The following MYOCOS variants were observed in gnomAD, a reference collection of about 807,000 sequenced individuals.
MYOCOS encodes myocilin opposite strand protein.
At chr1:171,617,761 A>G (rs149614356), upstream of MYOCOS, among the ~76,000 whole-genome samples, 42 of 152,358 alleles carry the variant, frequency 2.8e-4, no homozygotes, top group African/African-American at 9.1e-4. Flanking sequence ...GAGAAATAAC[A>G]TGTTTGTTCA....
chr1:171,607,215 G>C (rs987030124), intron 1 of MYOCOS, among the ~76,000 whole-genome samples: 9 of 152,068 alleles, frequency 5.9e-5, no homozygotes, highest in African/African-American at 1.7e-4. Flanking sequence ...TGAAATAAAG[G>C]GTTTTTTAGA....
At chr1:171,615,825 C>T (rs1028019701) in intron 2 of MYOCOS, among the ~76,000 whole-genome samples, 6 of 152,168 alleles carry the variant, frequency 3.9e-5, no homozygotes, top group Admixed American at 3.3e-4. Flanking sequence ...AGTAGCTTGC[C>T]GATGCTCCCA....
At chr1:171,613,105 G>A (rs760726962) in intron 1 of MYOCOS, among the ~76,000 whole-genome samples, 31 of 152,100 alleles carry the variant, frequency 2.0e-4, no homozygotes, top group Non-Finnish European at 3.7e-4. Flanking sequence ...CAAAATGTGT[G>A]GATATTCCTC....
exon 1 of MYOCOS, chr1:171,601,057 A>T (rs1652132287): frequency 6.6e-6 from 1 of 152,414 alleles, no homozygotes; most frequent in South Asian, 2.1e-4. Context: ...AGCCTGAGTG[A>T]AGCCATCCGA....
intron 1 of MYOCOS, among the ~76,000 whole-genome samples, chr1:171,603,657 A>T (rs921089240): frequency 1.3e-5 from 2 of 152,248 alleles, no homozygotes; most frequent in Non-Finnish European, 2.9e-5. Flanking sequence ...GGCCCCCGCC[A>T]TGAGGCTACC....
intron 1 of MYOCOS, among the ~76,000 whole-genome samples, chr1:171,622,918 G>A (rs763221): frequency 6.6e-6 from 1 of 151,958 alleles, no homozygotes; most frequent in African/African-American, 2.4e-5. Context: ...GTGGGTTTAC[G>A]GTGGTTATCA....
chr1:171,626,411 C>G, intron 2 of MYOCOS, 43 bp from the exon 3 acceptor site: 1 of 398,222 alleles, frequency 2.5e-6, no homozygotes, highest in Non-Finnish European at 4.4e-6. Flanking sequence ...TATTTAAAAC[C>G]CTATCTTTAT....
At chr1:171,614,056 CA>C (rs1405519360) in intron 1 of MYOCOS, among the ~76,000 whole-genome samples, 3 of 152,206 alleles carry the variant, frequency 2.0e-5, no homozygotes, top group African/African-American at 4.8e-5. Context: ...TGAGATAATG[CA>C]CCTGCCAATT....
chr1:171,626,055 G>A (rs6425355), intron 2 of MYOCOS, among the ~76,000 whole-genome samples: 22,582 of 152,042 alleles, frequency 0.15, 1,926 homozygotes, highest in Middle Eastern at 0.32. Flanking sequence ...CTTTTTAGAT[G>A]CTGGCATCTG....
In MYOCOS at chr1:171,623,935, T is replaced by C. The variant is rs1652624977; in HGVS notation, c.52T>C (p.Leu18=). 1 of 398,608 alleles carries C rather than the reference T, an allele frequency of 2.5e-6. No individual in the cohort carries two copies. The highest frequency in any genetic ancestry group is 4.4e-6 in the Non-Finnish European group (1 of 226,068). 24.7% of individuals were successfully genotyped at this position (398,608 alleles called of 1,614,324 possible). A position where few individuals can be genotyped will look rare whatever the true frequency, so the allele number is the denominator to read the frequency against. Residue 18 remains leucine (L), a synonymous_variant, in exon 2 of 3, where the codon TTG becomes CTG. Coordinates refer to ENST00000637642, the MANE Select transcript of MYOCOS (RefSeq NM_001391940.1). ...NNSINLPYKD[L]TSEVTRRRVT... ...CAGCATTAATCTCCCCTACAAGGAC[T>C]TGACCTCCGAGGTAACCAGGCGCCG...
chr1:171,609,216 G>A (rs184124482), intron 1 of MYOCOS, among the ~76,000 whole-genome samples: 37 of 152,318 alleles, frequency 2.4e-4, no homozygotes, highest in Admixed American at 2.3e-3. Flanking sequence ...AGCTACACTT[G>A]TTTATTTACT....
At chr1:171,621,662 A>G (rs924787085), upstream of MYOCOS, among the ~76,000 whole-genome samples, 6 of 152,092 alleles carry the variant, frequency 3.9e-5, no homozygotes, top group African/African-American at 1.4e-4. Context: ...GGCATGAGCC[A>G]CCGCGCCTGG....
intron 1 of MYOCOS, among the ~76,000 whole-genome samples, chr1:171,606,070 C>T (rs986439261): frequency 1.3e-5 from 2 of 152,046 alleles, no homozygotes; most frequent in Non-Finnish European, 2.9e-5. Context: ...CGGATTCGAC[C>T]CTGAAGCCAT....
chr1:171,605,009 G>A (rs889172021), intron 1 of MYOCOS, among the ~76,000 whole-genome samples: 1 of 152,094 alleles, frequency 6.6e-6, no homozygotes, highest in Non-Finnish European at 1.5e-5. Flanking sequence ...GTTCAAAGAT[G>A]CTCTCCAGAA....
upstream of MYOCOS, among the ~76,000 whole-genome samples, chr1:171,619,567 G>C (rs1196901095): frequency 6.6e-6 from 1 of 152,124 alleles, no homozygotes; most frequent in Non-Finnish European, 1.5e-5. Context: ...AATAAATCAA[G>C]GCCGAGCACA....
Position 171,605,788 on chromosome 1 carries a change from A to T in MYOCOS, c.-252+4708A>T, listed in dbSNP as rs182887162. The stretch of plus-strand genomic sequence containing the variant: ...ACAAGATGGCTCATAAGGATATCGA[A>T]CCCCCATCTACATGCTCAACCGAAT... On this transcript the variant is annotated intron_variant, in intron 1 of 3. Coordinates refer to the MYOCOS transcript ENST00000636697. Among the ~76,000 whole-genome samples, 14 of 152,202 alleles carry T rather than the reference A, an allele frequency of 9.2e-5. No homozygotes were observed. The East Asian group carries it at 2.5e-3, about 27-fold the overall frequency.
At chr1:171,603,938 T>A (rs535152238) in intron 1 of MYOCOS, among the ~76,000 whole-genome samples, 1,658 of 152,236 alleles carry the variant, frequency 0.011, 31 homozygotes, top group African/African-American at 0.038. Flanking sequence ...AAGGACACCA[T>A]TAGCTAATGA....
upstream of MYOCOS, among the ~76,000 whole-genome samples, chr1:171,621,593 T>C (rs892101181): frequency 6.6e-6 from 1 of 152,024 alleles, no homozygotes; most frequent in Non-Finnish European, 1.5e-5. Context: ...GCCAGGATGG[T>C]CTCAATCTCC....
chr1:171,621,380 T>G (rs2102938877), upstream of MYOCOS, among the ~76,000 whole-genome samples: 1 of 146,732 alleles, frequency 6.8e-6, no homozygotes, highest in South Asian at 2.2e-4. Context: ...GTGGGTTTTT[T>G]TTTTTTTTTT....
Sources: gnomAD v4.1 joint callset for allele counts (sites outside exome capture counted in the v4.1 genomes callset) on GRCh38, gnomAD v4.1.1 for gene constraint, MANE v1.5 for transcripts, NCBI Gene and HGNC (gene_info 2026-07-23, HGNC 2026-07-21) for gene names.